Variants in MYO3B observed in about 807,000 individuals in gnomAD.
MYO3B encodes myosin-IIIb.
In MYO3B, 156 loss-of-function variants were observed where a neutral mutation model predicts 174.6. The observed-to-expected ratio is 0.89, with a 90% CI of 0.78 to 1.02. The LOEUF (loss-of-function observed/expected upper bound fraction) is 1.02, where lower values mean the gene tolerates loss of function less well. Ranked by LOEUF, MYO3B falls within the 50% of genes least tolerant of loss-of-function variation. The pLI, the probability that MYO3B is intolerant of heterozygous loss-of-function variation, is 0.00. For synonymous variants in MYO3B, 563 were observed against 569.1 expected (o/e 0.99, Z 0.15); for missense variants, 1,632 against 1,639.4 (o/e 1.00, Z 0.08).
intron 7 of MYO3B, among the ~76,000 whole-genome samples, chr2:170,274,425 G>A (rs2093448424): frequency 6.6e-6 from 1 of 152,144 alleles, no homozygotes; most frequent in African/African-American, 2.4e-5. Flanking sequence ...AACCGGGAAA[G>A]CTTTGATTAG....
intron 1 of MYO3B, among the ~76,000 whole-genome samples, chr2:170,194,912 T>C (rs758692115): frequency 2.6e-5 from 4 of 152,066 alleles, no homozygotes; most frequent in African/African-American, 4.8e-5. Flanking sequence ...GCTGAAGAAC[T>C]TGGAGTCTGA....
In MYO3B at chr2:170,383,724, T is replaced by C. The variant is rs551776281; in HGVS notation, c.1200T>C (p.Tyr400=). The C allele has an allele frequency of 3.4e-5, 55 of 1,613,268 alleles. No individual in the cohort carries two copies. Among genetic ancestry groups the C allele is most frequent in the Middle Eastern group, 1.6e-4 (1 of 6,078 alleles). Residue 400 remains tyrosine (Y), a synonymous_variant, in exon 12 of 35, where the codon TAT becomes TAC. Coordinates refer to ENST00000408978, the MANE Select transcript of MYO3B (RefSeq NM_138995.5). ...TTTTCCTTCAGTTTTCCAGACTTTA[T>C]CATGGGGTGAAACGCGCCTCCAATC... The part of the protein sequence containing the change: ...SIYSPQFSRL[Y]HGVKRASNPP...
At chr2:170,557,996 GA>G (rs1004185889) in intron 32 of MYO3B, among the ~76,000 whole-genome samples, 8 of 150,342 alleles carry the variant, frequency 5.3e-5, no homozygotes, top group Admixed American at 6.6e-5. Flanking sequence ...CATGCTTACA[GA>G]AAAAAAAAAT....
intron 1 of MYO3B, among the ~76,000 whole-genome samples, chr2:170,188,627 T>C (rs1258108312): frequency 6.6e-6 from 1 of 152,170 alleles, no homozygotes. Context: ...GTGTATCTGT[T>C]ATGTTTTTTG....
intron 25 of MYO3B, among the ~76,000 whole-genome samples, chr2:170,474,763 A>T (rs1685216074): frequency 7.4e-6 from 1 of 135,638 alleles, no homozygotes; most frequent in Admixed American, 7.2e-5. Context: ...AAAAAAAAAA[A>T]AAAAAAAAAA....
intron 7 of MYO3B, among the ~76,000 whole-genome samples, chr2:170,257,026 A>C (rs1000279819): frequency 1.3e-5 from 2 of 152,210 alleles, no homozygotes; most frequent in African/African-American, 4.8e-5. Context: ...ATAATGATAA[A>C]AGATTCAATT....
intron 6 of MYO3B, among the ~76,000 whole-genome samples, chr2:170,228,848 T>C (rs2092981790): frequency 6.6e-6 from 1 of 151,866 alleles, no homozygotes; most frequent in Admixed American, 6.6e-5. Flanking sequence ...TTTCTGACAA[T>C]TTCATAGTGT....
intron 25 of MYO3B, among the ~76,000 whole-genome samples, chr2:170,467,271 C>T (rs1003717546): frequency 2.6e-5 from 4 of 152,126 alleles, no homozygotes; most frequent in African/African-American, 9.7e-5. Context: ...AAGTGATTTT[C>T]CCATGGTCTC....
chr2:170,641,445 C>A (rs776043998), intron 32 of MYO3B: 1 of 152,106 alleles, frequency 6.6e-6, no homozygotes, highest in Non-Finnish European at 1.5e-5. Flanking sequence ...GCCAGTAATT[C>A]TTCTTTTAGA....
rs1266719216 is a variant in MYO3B at position 170,537,948 on chromosome 2, C to T, written c.3576-4958C>T. On this transcript the variant is annotated intron_variant, in intron 30 of 34. Coordinates refer to ENST00000408978, the MANE Select transcript of MYO3B (RefSeq NM_138995.5). Reference sequence around the variant, plus strand: ...TTTGAAATTAGAGTATGCTTTCAAGCGTGAACGAATAAATGGATATCTCAG... The same window carrying T: ...TTTGAAATTAGAGTATGCTTTCAAGTGTGAACGAATAAATGGATATCTCAG... Among the ~76,000 whole-genome samples the T allele has an allele frequency of 3.3e-5, 5 of 152,228 alleles. No homozygotes were observed. In the South Asian group the frequency reaches 6.2e-4, roughly 19 times the overall value.
chr2:170,465,837 C>T (rs1684588823), intron 24 of MYO3B, among the ~76,000 whole-genome samples: 1 of 152,142 alleles, frequency 6.6e-6, no homozygotes, highest in Non-Finnish European at 1.5e-5. Flanking sequence ...CTTATAATAG[C>T]TCCTGAAGGT....
chr2:170,388,642 T>C lies in MYO3B; in HGVS notation c.1577+1334T>C, dbSNP rs147709875. ...CACGCTAGCTTCAATGGGGAATGGA[T>C]TGGGGGAGATGCAAGGATTGTGTTG... On this transcript the variant is annotated intron_variant, in intron 14 of 34. Coordinates refer to ENST00000408978, the MANE Select transcript of MYO3B (RefSeq NM_138995.5). Among the ~76,000 whole-genome samples, 815 of 152,140 alleles carry C rather than the reference T, an allele frequency of 5.4e-3. 5 individuals are homozygous for C. Among genetic ancestry groups the C allele is most frequent in the Non-Finnish European group, 9.3e-3 (631 of 67,992 alleles).
intron 25 of MYO3B, among the ~76,000 whole-genome samples, chr2:170,479,902 A>G (rs925432727): frequency 8.1e-5 from 12 of 148,688 alleles, no homozygotes; most frequent in Non-Finnish European, 1.6e-4. Context: ...TAGGTTTAAC[A>G]TATTTTATAG....
At position 170,632,809 on chromosome 2, in the gene MYO3B, C is replaced by T. The variant is rs1296301825; in HGVS notation, c.3734-18819C>T. ...AAAAATGATAAACGGCATATCACCA[C>T]TGATCCCACAGAAATACAAACTACC... On this transcript the variant is annotated intron_variant, in intron 32 of 34. Coordinates refer to ENST00000408978, the MANE Select transcript of MYO3B (RefSeq NM_138995.5). Among the ~76,000 whole-genome samples the T allele has an allele frequency of 2.8e-5, 4 of 142,386 alleles. No individual in the cohort carries two copies. The East Asian group carries it at 7.1e-4, about 25-fold the overall frequency. The allele number at this position is 142,386 out of a possible 152,430, so 93.4% of individuals were successfully genotyped here. A position where few individuals can be genotyped will look rare whatever the true frequency, so the allele number is the denominator to read the frequency against.
intron 7 of MYO3B, among the ~76,000 whole-genome samples, chr2:170,236,705 G>A (rs13013989): frequency 6.6e-6 from 1 of 152,278 alleles, no homozygotes; most frequent in South Asian, 2.1e-4. Context: ...TTGTACAAGA[G>A]GTTGGGTTGC....
At chr2:170,256,898 AGAAAT>A (rs1196273175) in intron 7 of MYO3B, among the ~76,000 whole-genome samples, 1 of 152,196 alleles carries the variant, frequency 6.6e-6, no homozygotes, top group Non-Finnish European at 1.5e-5. Flanking sequence ...CTCAAAGTAA[AGAAAT>A]GAACAGCTAT....
chr2:170,243,304 GC>G (rs1215727476), intron 7 of MYO3B, among the ~76,000 whole-genome samples: 3 of 152,214 alleles, frequency 2.0e-5, no homozygotes. Context: ...GATAGCCTTG[GC>G]TAGGATGACT....
intron 3 of MYO3B, among the ~76,000 whole-genome samples, chr2:170,209,165 T>C (rs1478377739): frequency 4.6e-5 from 7 of 152,296 alleles, no homozygotes; most frequent in Admixed American, 3.9e-4. Flanking sequence ...GTTTCTCCAA[T>C]TGCATCATAC....
At position 170,184,811 on chromosome 2, in the gene MYO3B, A is replaced by G. The variant is rs149174763; in HGVS notation, c.2+6522A>G. On this transcript the variant is annotated intron_variant, in intron 1 of 34. Coordinates refer to ENST00000408978, the MANE Select transcript of MYO3B (RefSeq NM_138995.5). ...TAATTTATATTCCCACCAACAGTGTACAAGAGTCTACTTTTCTCCACATTC... is the reference window on the plus strand; with the variant it reads ...TAATTTATATTCCCACCAACAGTGTGCAAGAGTCTACTTTTCTCCACATTC... Among the ~76,000 whole-genome samples, 673 of 152,290 alleles carry G rather than the reference A, an allele frequency of 4.4e-3. 33 individuals carry two copies. The East Asian group carries it at 0.098, about 22-fold the overall frequency.
Sources: gnomAD v4.1 joint callset for allele counts (sites outside exome capture counted in the v4.1 genomes callset) on GRCh38, gnomAD v4.1.1 for gene constraint, MANE v1.5 for transcripts, NCBI Gene and HGNC (gene_info 2026-07-23, HGNC 2026-07-21) for gene names.